ADAMTSL3: variants seen among roughly 807,000 people sequenced by gnomAD.
ADAMTSL3 encodes the protein ADAMTS like 3, also known as ADAMTS-like protein 3.
Under a neutral mutation model 201.7 loss-of-function variants are expected in ADAMTSL3, and 128 were observed. That is an observed-to-expected ratio of 0.63 (90% confidence interval 0.55 to 0.73). The LOEUF is 0.73. ADAMTSL3 is among the 30% of genes least tolerant of loss of function. The pLI, the probability that ADAMTSL3 is intolerant of heterozygous loss-of-function variation, is 0.00. For missense variants in ADAMTSL3, 1,990 were observed against 2,119.6 expected (o/e 0.94, Z 1.20); for synonymous variants, 738 against 748.4 (o/e 0.99, Z 0.23).
At chr15:83,762,339 A>G (rs1212848041) in intron 3 of ADAMTSL3, among the ~76,000 whole-genome samples, 1 of 152,194 alleles carries the variant, frequency 6.6e-6, no homozygotes, top group Admixed American at 6.5e-5. Context: ...TTCTGTGGAC[A>G]CACTCTGATC....
chr15:83,994,586 GTTTTTTTTTTTT>G (rs3045402), intron 23 of ADAMTSL3, among the ~76,000 whole-genome samples: 103 of 50,226 alleles, frequency 2.1e-3, no homozygotes, highest in South Asian at 4.7e-3. Flanking sequence ...TTGTTTTTTC[GTTTTTTTTTTTT>G]TTTTTTTTTT....
chr15:84,003,535 C>G (rs952766168), intron 23 of ADAMTSL3, among the ~76,000 whole-genome samples: 40 of 152,096 alleles, frequency 2.6e-4, no homozygotes, highest in African/African-American at 8.5e-4. Context: ...TCCCTTGGCT[C>G]CTCGTATTGG....
intron 28 of ADAMTSL3, among the ~76,000 whole-genome samples, chr15:84,035,440 C>G (rs972315982): frequency 6.6e-6 from 1 of 152,142 alleles, no homozygotes; most frequent in South Asian, 2.1e-4. Context: ...CTCTGTTGTT[C>G]AAAGTGACTC....
intron 23 of ADAMTSL3, among the ~76,000 whole-genome samples, chr15:83,998,226 C>T (rs1386890279): frequency 3.9e-5 from 6 of 152,034 alleles, no homozygotes; most frequent in African/African-American, 1.2e-4. Flanking sequence ...CCAAGGTGGG[C>T]GGATCACCTG....
In ADAMTSL3 at chr15:83,942,651, A is replaced by C; in HGVS notation, c.2173A>C (p.Thr725Pro). Residue 725 changes from threonine to proline, a missense_variant, in exon 18 of 30, where the codon ACC becomes CCC. Transcript: ENST00000286744. ...AGCTACCTGTGGAGTTGGAATTCAG[A>C]CCCGAGATGTGTACTGCCTGCACCC... ...CSATCGVGIQTRDVYCLHPGE... is the reference protein window; with the variant it reads ...CSATCGVGIQPRDVYCLHPGE... 6.2e-7 allele frequency: 1 copy of C among 1,614,002 alleles called. No homozygotes were observed. Among genetic ancestry groups the C allele is most frequent in the Non-Finnish European group, 8.5e-7 (1 of 1,179,962 alleles).
chr15:83,872,292 C>T (rs1349570187), intron 9 of ADAMTSL3, among the ~76,000 whole-genome samples: 1 of 152,062 alleles, frequency 6.6e-6, no homozygotes, highest in East Asian at 1.9e-4. Flanking sequence ...TGCCGTGGTC[C>T]ACACCACTGT....
At chr15:83,891,179 A>C in intron 11 of ADAMTSL3, 150 bp from the exon 12 acceptor site, 1 of 584,750 alleles carries the variant, frequency 1.7e-6, no homozygotes, top group Non-Finnish European at 2.9e-6. Context: ...ATGGTGGCTG[A>C]ATTTTTGGGA....
intron 17 of ADAMTSL3, 48 bp from the exon 18 acceptor site, chr15:83,942,548 G>A (rs1331733031): frequency 1.7e-5 from 27 of 1,559,128 alleles, no homozygotes; most frequent in African/African-American, 4.1e-5. Context: ...ATGGTTGCAC[G>A]TTGGTTTATT....
chr15:83,893,112 A>G (rs760239613), intron 13 of ADAMTSL3, among the ~76,000 whole-genome samples: 1 of 152,154 alleles, frequency 6.6e-6, no homozygotes, highest in Non-Finnish European at 1.5e-5. Flanking sequence ...TAATAATAAT[A>G]TTTCCATACA....
intron 19 of ADAMTSL3, among the ~76,000 whole-genome samples, chr15:83,960,719 T>C (rs1412700489): frequency 6.6e-6 from 1 of 152,156 alleles, no homozygotes; most frequent in East Asian, 1.9e-4. Context: ...CTATTCAAAT[T>C]CGAAAATCTG....
intron 17 of ADAMTSL3, among the ~76,000 whole-genome samples, chr15:83,930,591 C>CA (rs2142005324): frequency 1.3e-5 from 2 of 152,344 alleles, no homozygotes; most frequent in East Asian, 3.9e-4. Flanking sequence ...CCTCAGCAAT[C>CA]TCTTGCCCAC....
At position 84,038,794 on chromosome 15, in the gene ADAMTSL3, A is replaced by G. The variant is rs909218578; in HGVS notation, c.*988A>G. 1 of 152,272 alleles carries G rather than the reference A, an allele frequency of 6.6e-6. No homozygotes were observed. Among genetic ancestry groups the G allele is most frequent in the Non-Finnish European group, 1.5e-5 (1 of 68,046 alleles). 9.4% of individuals were successfully genotyped at this position (152,272 alleles called of 1,614,324 possible). On this transcript the variant is annotated 3_prime_UTR_variant, in exon 30 of 30. Transcript: ENST00000286744. ...CAAAGTGACTTAGGTTAGAAGTTAC[A>G]CTAAGGACCAGGGGTTGGAATCAGA... is the stretch of plus-strand genomic sequence containing the variant.
chr15:84,015,986 G>A (rs967057365), intron 24 of ADAMTSL3, among the ~76,000 whole-genome samples: 6 of 152,128 alleles, frequency 3.9e-5, no homozygotes, highest in Non-Finnish European at 2.9e-5. Flanking sequence ...CTAAAAGCCC[G>A]TACTCCTCAC....
intron 4 of ADAMTSL3, among the ~76,000 whole-genome samples, chr15:83,798,755 T>C (rs9744674): frequency 0.79 from 116,309 of 147,788 alleles, 46,631 homozygotes; most frequent in East Asian, 1. Context: ...TGCAGGGAGC[T>C]GAGATCGCGC....
chr15:83,879,826 G>A (rs368486840), intron 9 of ADAMTSL3, among the ~76,000 whole-genome samples: 21 of 152,120 alleles, frequency 1.4e-4, no homozygotes, highest in East Asian at 5.8e-4. Flanking sequence ...AAACTACCCC[G>A]TGACTGTGCA....
At position 83,870,883 on chromosome 15, in the gene ADAMTSL3, C is replaced by T. The variant is rs539810989; in HGVS notation, c.884C>T (p.Thr295Ile). 5 of 1,613,296 alleles carry T rather than the reference C, an allele frequency of 3.1e-6. No homozygotes were observed. The highest frequency in any genetic ancestry group is 1.7e-5 in the Admixed American group (1 of 59,890). ...SPGVFLVENT[T>I]VEFQRGSERQ... is the part of the protein sequence containing the mutation. ...GGCGTCTTTCTCGTAGAAAACACAA[C>T]AGTGGAATTTCAGAGGGGCTCCGAG... Residue 295 changes from threonine (T) to isoleucine (I), a missense_variant, in exon 9 of 30, where the codon ACA becomes ATA. Coordinates refer to ENST00000286744, the MANE Select transcript of ADAMTSL3 (RefSeq NM_207517.3).
intron 9 of ADAMTSL3, among the ~76,000 whole-genome samples, chr15:83,884,290 T>C (rs1302779710): frequency 6.6e-6 from 1 of 151,754 alleles, no homozygotes; most frequent in African/African-American, 2.4e-5. Flanking sequence ...GTGGAATGGC[T>C]AGATGGAACT....
chr15:83,727,753 T>A (rs2062202530), intron 3 of ADAMTSL3, among the ~76,000 whole-genome samples: 1 of 151,444 alleles, frequency 6.6e-6, no homozygotes, highest in South Asian at 2.1e-4. Context: ...TCAATTTAAA[T>A]TTTTTTTTAA....
At chr15:83,763,689 T>A (rs1373697159) in intron 3 of ADAMTSL3, among the ~76,000 whole-genome samples, 2 of 152,054 alleles carry the variant, frequency 1.3e-5, no homozygotes, top group Admixed American at 1.3e-4. Context: ...GTATATTTAG[T>A]AGAGACGAGG....
Sources: allele counts gnomAD v4.1 joint callset (sites outside exome capture counted in the v4.1 genomes callset), GRCh38; gene constraint gnomAD v4.1.1; transcripts MANE v1.5; gene names NCBI Gene and HGNC (gene_info 2026-07-23, HGNC 2026-07-21).